Variants in MYOCOS observed in about 807,000 individuals in gnomAD.
MYOCOS encodes the protein myocilin opposite strand protein.
chr1:171,615,386 A>G (rs1652428136), intron 2 of MYOCOS, among the ~76,000 whole-genome samples: 1 of 152,212 alleles, frequency 6.6e-6, no homozygotes, highest in Admixed American at 6.5e-5. Flanking sequence ...AGTGAAAGAG[A>G]TAAGACAAAG....
At chr1:171,615,516 A>T (rs1337584259) in intron 2 of MYOCOS, among the ~76,000 whole-genome samples, 19 of 152,264 alleles carry the variant, frequency 1.2e-4, no homozygotes, top group Admixed American at 9.8e-4. Flanking sequence ...AATCAAAGAC[A>T]GGCAGCCCGG....
chr1:171,609,822 A>T (rs980032827), intron 1 of MYOCOS, among the ~76,000 whole-genome samples: 1 of 152,206 alleles, frequency 6.6e-6, no homozygotes, highest in African/African-American at 2.4e-5. Flanking sequence ...GTTATTGCAC[A>T]GTTCCTATGG....
intron 1 of MYOCOS, among the ~76,000 whole-genome samples, chr1:171,614,058 C>T (rs1652404834): frequency 1.3e-5 from 2 of 152,184 alleles, no homozygotes; most frequent in Non-Finnish European, 2.9e-5. Flanking sequence ...AGATAATGCA[C>T]CTGCCAATTT....
intron 1 of MYOCOS, among the ~76,000 whole-genome samples, chr1:171,604,812 T>C (rs1652214530): frequency 6.6e-6 from 1 of 152,080 alleles, no homozygotes; most frequent in African/African-American, 2.4e-5. Context: ...AAAAAGAAGA[T>C]AAAAAAGATC....
chr1:171,623,780 T>C, intron 1 of MYOCOS, 61 bp from the exon 2 acceptor site: 1 of 397,476 alleles, frequency 2.5e-6, no homozygotes, highest in East Asian at 3.6e-5. Context: ...ATTCTGGACC[T>C]AGCTGGAGCA....
At chr1:171,609,583 G>A (rs1386407300) in intron 1 of MYOCOS, among the ~76,000 whole-genome samples, 3 of 152,136 alleles carry the variant, frequency 2.0e-5, no homozygotes, top group Non-Finnish European at 2.9e-5. Flanking sequence ...TTCCATGAAG[G>A]GCAACCTATT....
At chr1:171,602,723 C>T (rs943068604) in intron 1 of MYOCOS, among the ~76,000 whole-genome samples, 3 of 151,946 alleles carry the variant, frequency 2.0e-5, no homozygotes, top group Non-Finnish European at 2.9e-5. Context: ...ATTTAACTTA[C>T]GTGGTATAAA....
upstream of MYOCOS, among the ~76,000 whole-genome samples, chr1:171,620,012 G>T (rs1319682273): frequency 6.7e-6 from 1 of 149,742 alleles, no homozygotes; most frequent in Non-Finnish European, 1.5e-5. Flanking sequence ...TCAGCTTGCA[G>T]ACAGCCTGTG....
At chr1:171,606,525 G>A (rs538122903) in intron 1 of MYOCOS, among the ~76,000 whole-genome samples, 44 of 152,290 alleles carry the variant, frequency 2.9e-4, no homozygotes, top group African/African-American at 8.7e-4. Context: ...CTTAGAATCC[G>A]ATGTTACCCA....
upstream of MYOCOS, chr1:171,622,234 A>G (rs182995839): frequency 2.0e-5 from 3 of 152,292 alleles, no homozygotes; most frequent in East Asian, 1.9e-4. Flanking sequence ...GCGCTTCCCC[A>G]TTGCTCACAT....
At chr1:171,618,117 A>G (rs1025476172), upstream of MYOCOS, among the ~76,000 whole-genome samples, 5 of 152,250 alleles carry the variant, frequency 3.3e-5, no homozygotes, top group African/African-American at 1.2e-4. Context: ...AGCTGCAGTC[A>G]TGAATTTAAA....
At chr1:171,601,597 A>G (rs372884605) in intron 1 of MYOCOS, among the ~76,000 whole-genome samples, 1 of 152,122 alleles carries the variant, frequency 6.6e-6, no homozygotes, top group Non-Finnish European at 1.5e-5. Flanking sequence ...ACTCCAGGAA[A>G]ACTTAGGACT....
At chr1:171,609,718 C>T (rs1266016962) in intron 1 of MYOCOS, among the ~76,000 whole-genome samples, 1 of 152,186 alleles carries the variant, frequency 6.6e-6, no homozygotes. Flanking sequence ...CCAGTCTGGT[C>T]TCCAACTCTT....
chr1:171,606,211 C>T (rs1211831186), intron 1 of MYOCOS, among the ~76,000 whole-genome samples: 1 of 152,182 alleles, frequency 6.6e-6, no homozygotes, highest in Non-Finnish European at 1.5e-5. Context: ...AAAGCTTCAT[C>T]GCTACCTTAG....
chr1:171,609,831 G>A (rs1240096701), intron 1 of MYOCOS, among the ~76,000 whole-genome samples: 1 of 152,162 alleles, frequency 6.6e-6, no homozygotes, highest in Non-Finnish European at 1.5e-5. Flanking sequence ...CAGTTCCTAT[G>A]GGTCAGGAAT....
intron 1 of MYOCOS, among the ~76,000 whole-genome samples, chr1:171,607,940 T>C (rs922655695): frequency 4.6e-5 from 7 of 152,102 alleles, no homozygotes; most frequent in Non-Finnish European, 8.8e-5. Flanking sequence ...AGCCTCACAA[T>C]CATGGCAGAA....
intron 1 of MYOCOS, among the ~76,000 whole-genome samples, chr1:171,611,197 T>C (rs1381306287): frequency 6.6e-6 from 1 of 152,186 alleles, no homozygotes; most frequent in Non-Finnish European, 1.5e-5. Flanking sequence ...AAAACCAAAC[T>C]TGAGGGTTTT....
intron 1 of MYOCOS, among the ~76,000 whole-genome samples, chr1:171,609,697 A>G (rs1241731329): frequency 6.6e-6 from 1 of 152,200 alleles, no homozygotes; most frequent in Non-Finnish European, 1.5e-5. Context: ...CACAGGGTAT[A>G]TCAATGTTGC....
At chr1:171,622,581 T>C (rs1158698966) in intron 1 of MYOCOS, among the ~76,000 whole-genome samples, 1 of 152,222 alleles carries the variant, frequency 6.6e-6, no homozygotes, top group African/African-American at 2.4e-5. Flanking sequence ...TAAGCTGACC[T>C]GGGACTAAAA....
Sources: gnomAD v4.1 joint callset for allele counts (sites outside exome capture counted in the v4.1 genomes callset) on GRCh38, gnomAD v4.1.1 for gene constraint, MANE v1.5 for transcripts, NCBI Gene and HGNC (gene_info 2026-07-23, HGNC 2026-07-21) for gene names.